The following AK2 variants were observed in gnomAD, a reference collection of about 807,000 sequenced individuals.
AK2 encodes the protein adenylate kinase 2, also known as adenylate kinase 2, mitochondrial.
A neutral mutation model predicts 24.6 loss-of-function variants in AK2; 15 were observed. The observed-to-expected ratio is 0.61, with a 90% confidence interval of 0.41 to 0.94. AK2 has a LOEUF of 0.94. Ranked by LOEUF, AK2 falls within the 40% of genes least tolerant of loss-of-function variation. The pLI is 0.00. For missense variants in AK2, 257 were observed against 304.1 expected (o/e 0.85, Z 1.15); for synonymous variants, 102 against 114.0 (o/e 0.90, Z 0.67).
chr1:33,026,399 C>T (rs924844872), intron 1 of AK2, among the ~76,000 whole-genome samples: 1 of 152,158 alleles, frequency 6.6e-6, no homozygotes, highest in Non-Finnish European at 1.5e-5. Flanking sequence ...TAGGTGCATG[C>T]TTAGGTGCAC....
At position 33,009,860 on chromosome 1, in the gene AK2, C is replaced by G. The variant is rs41265879; in HGVS notation, c.*3321G>C. The G allele has an allele frequency of 9.1e-4, 415 of 454,348 alleles. No individual in the cohort carries two copies. The highest frequency in any genetic ancestry group is 7.6e-3 in the Middle Eastern group (11 of 1,444). 28.1% of individuals were successfully genotyped at this position (454,348 alleles called of 1,614,324 possible). A position where few individuals can be genotyped will look rare whatever the true frequency, so the allele number is the denominator to read the frequency against. ...GGGCTTCTTTTCCTTCCAGCCAGGT[C>G]CAGAATTCAATGTCATTTTTCTAGC... On this transcript the variant is annotated 3_prime_UTR_variant, in exon 6 of 6. Transcript: ENST00000672715.
rs78861214 is a variant in AK2, at chr1:33,013,678, C to T, written c.499-276G>A. ...AGGGGAAGATAGGCAATGACTTTCT[C>T]ATCTTTGTGCTCAGGCGATTCAGCT... On this transcript the variant is annotated intron_variant, in intron 5 of 5. Coordinates refer to ENST00000672715, the MANE Select transcript of AK2 (RefSeq NM_001625.4). 3.6e-3 allele frequency among the ~76,000 whole-genome samples: 541 copies of T among 152,286 alleles called. 7 individuals are homozygous for T. The highest frequency in any genetic ancestry group is 0.012 in the African/African-American group (516 of 41,560).
intron 4 of AK2, among the ~76,000 whole-genome samples, chr1:33,018,513 CATTT>C (rs986324693): frequency 6.6e-5 from 10 of 152,180 alleles, no homozygotes; most frequent in African/African-American, 2.4e-4. Flanking sequence ...TAACCATCAA[CATTT>C]TGGACTACGA....
intron 1 of AK2, among the ~76,000 whole-genome samples, chr1:33,033,323 C>G (rs1640366478): frequency 6.6e-6 from 1 of 152,126 alleles, no homozygotes; most frequent in South Asian, 2.1e-4. Context: ...TAGTTCAAGA[C>G]CAGCCTGAGC....
rs184579927 is a variant in AK2 at position 33,008,702 on chromosome 1, G to A, written c.*4479C>T. The A allele has an allele frequency of 1.3e-4, 59 of 454,110 alleles. No individual in the cohort carries two copies. In the East Asian group the frequency reaches 3.0e-3, roughly 23 times the overall value. The allele number at this position is 454,110 out of a possible 1,614,324, so 28.1% of individuals were successfully genotyped here. A position where few individuals can be genotyped will look rare whatever the true frequency, so the allele number is the denominator to read the frequency against. On this transcript the variant is annotated 3_prime_UTR_variant, in exon 6 of 6. Transcript: ENST00000672715. Reference sequence around the variant, plus strand: ...GGTTTCCTCACCTATAAAAGTGAAGGACAGTTCTGACTCCACAGGGTGCTG... The same window carrying A: ...GGTTTCCTCACCTATAAAAGTGAAGAACAGTTCTGACTCCACAGGGTGCTG...
intron 1 of AK2, chr1:33,031,638 C>G: frequency 2.2e-6 from 1 of 456,026 alleles, no homozygotes; most frequent in Non-Finnish European, 4.4e-6. Context: ...AGAGAACAAG[C>G]CATTCAAACT....
At chr1:33,017,651 T>C (rs1031373574) in intron 4 of AK2, among the ~76,000 whole-genome samples, 1 of 152,292 alleles carries the variant, frequency 6.6e-6, no homozygotes, top group Non-Finnish European at 1.5e-5. Context: ...CAAAATGGGA[T>C]TGCTCTCAAG....
chr1:33,016,494 A>G (rs182833243), intron 4 of AK2, among the ~76,000 whole-genome samples: 2 of 152,004 alleles, frequency 1.3e-5, no homozygotes, highest in Non-Finnish European at 2.9e-5. Flanking sequence ...TACAGGTGTG[A>G]GCCACTGCGC....
intron 2 of AK2, among the ~76,000 whole-genome samples, chr1:33,023,659 G>A (rs1454766974): frequency 3.3e-5 from 5 of 152,150 alleles, no homozygotes; most frequent in African/African-American, 4.8e-5. Flanking sequence ...CTTTGTTACA[G>A]AAACAGCACA....
rs1225407981 is a variant in AK2, at chr1:33,009,828, CAAGA to C, written c.*3349_*3352del. On this transcript the variant is annotated 3_prime_UTR_variant, in exon 6 of 6. Transcript: ENST00000672715. Reference sequence around the variant, plus strand: ...CTCCCTACCACACAGCTGCCAGCGACAAGAAAGGGCTTCTTTTCCTTCCAGCCAG... The same window carrying C: ...CTCCCTACCACACAGCTGCCAGCGACAAGGGCTTCTTTTCCTTCCAGCCAG... The C allele has an allele frequency of 2.2e-6, 1 of 454,444 alleles. No individual in the cohort carries two copies. The highest frequency in any genetic ancestry group is 2.3e-5 in the Admixed American group (1 of 42,566). The allele number at this position is 454,444 out of a possible 1,614,324, so 28.2% of individuals were successfully genotyped here. A position where few individuals can be genotyped will look rare whatever the true frequency, so the allele number is the denominator to read the frequency against.
At chr1:33,026,923 C>T (rs1041120427) in intron 1 of AK2, among the ~76,000 whole-genome samples, 3 of 150,992 alleles carry the variant, frequency 2.0e-5, no homozygotes, top group South Asian at 4.2e-4. Context: ...GTCAGGAGTT[C>T]GAGACTAGCC....
intron 1 of AK2, among the ~76,000 whole-genome samples, chr1:33,036,195 C>T (rs1640569840): frequency 6.6e-6 from 1 of 152,138 alleles, no homozygotes; most frequent in Admixed American, 6.5e-5. Context: ...CCTTAGGTTT[C>T]CTCCCATCTC....
chr1:33,030,392 ATT>A (rs113764416), intron 1 of AK2, among the ~76,000 whole-genome samples: 2 of 147,552 alleles, frequency 1.4e-5, no homozygotes, highest in Non-Finnish European at 3.0e-5. Context: ...CCATTTCTAC[ATT>A]TTTTTTTTTA....
intron 1 of AK2, among the ~76,000 whole-genome samples, chr1:33,026,299 A>T (rs1639877632): frequency 6.6e-6 from 1 of 152,110 alleles, no homozygotes. Context: ...CCCTGGGCTC[A>T]GGTGATTCTC....
rs61750964 is a variant in AK2, at chr1:33,013,397, G to A, written c.504C>T (p.Thr168=). 9.1e-5 allele frequency: 147 copies of A among 1,613,418 alleles called. No individual in the cohort carries two copies. The highest frequency in any genetic ancestry group is 8.6e-4 in the South Asian group (78 of 91,032). Residue 168 remains threonine, a synonymous_variant, in exon 6 of 6, where the codon ACC becomes ACT. Transcript: ENST00000672715. ...PPKEPMKDDI[T]GEPLIRRSDD... is the part of the protein sequence containing the mutation. ...CTGATCGACGGATCAAGGGTTCCCC[G>A]GTGATCTGAGAACAGGAAGACAGCA...
At chr1:33,022,919 T>C (rs953577341) in intron 2 of AK2, among the ~76,000 whole-genome samples, 2 of 152,202 alleles carry the variant, frequency 1.3e-5, no homozygotes, top group African/African-American at 2.4e-5. Context: ...CAGAGTCTTC[T>C]GTCAAAACTC....
At chr1:33,024,100 G>A in intron 2 of AK2, 1 of 309,982 alleles carries the variant, frequency 3.2e-6, no homozygotes, top group Non-Finnish European at 6.3e-6. Context: ...GAACCCAGGA[G>A]GTGGAGGTTG....
chr1:33,016,373 G>C (rs1639186405), intron 4 of AK2, among the ~76,000 whole-genome samples: 1 of 152,054 alleles, frequency 6.6e-6, no homozygotes, highest in Admixed American at 6.5e-5. Context: ...CACCAAGCCT[G>C]GCTAATTTTT....
chr1:33,034,407 C>T (rs879364805), intron 1 of AK2, among the ~76,000 whole-genome samples: 12 of 150,996 alleles, frequency 7.9e-5, no homozygotes, highest in Non-Finnish European at 1.3e-4. Context: ...TTATTGAGTA[C>T]CTACTATATA....
Sources: allele counts gnomAD v4.1 joint callset (sites outside exome capture counted in the v4.1 genomes callset), GRCh38; gene constraint gnomAD v4.1.1; transcripts MANE v1.5; gene names NCBI Gene and HGNC (gene_info 2026-07-23, HGNC 2026-07-21).